ABHD6: variants seen among roughly 807,000 people sequenced by gnomAD.
ABHD6 encodes monoacylglycerol lipase ABHD6.
A neutral mutation model predicts 38.8 loss-of-function variants in ABHD6; 33 were observed. The ratio of observed to expected loss-of-function variants is 0.85; its 90% CI spans 0.64 to 1.14. The LOEUF is 1.14. Ranked by LOEUF, ABHD6 falls within the 50% of genes most tolerant of loss-of-function variation. The pLI is 0.00. For missense variants in ABHD6, 380 were observed against 422.6 expected (o/e 0.90, Z 0.88); for synonymous variants, 147 against 161.6 (o/e 0.91, Z 0.69).
At chr3:58,283,807 A>T (rs79214082) in intron 7 of ABHD6, among the ~76,000 whole-genome samples, 17,580 of 152,204 alleles carry the variant, frequency 0.12, 1,320 homozygotes, top group African/African-American at 0.2. Context: ...TGGAGGATGG[A>T]TGGACACAAG....
intron 2 of ABHD6, 99 bp downstream of exon 2, chr3:58,250,041 G>A (rs1444186067): frequency 2.0e-5 from 3 of 152,160 alleles, no homozygotes; most frequent in Non-Finnish European, 2.9e-5. Context: ...CCCTCTGCAG[G>A]CCAAAGTGTG....
rs1424532237 is a variant in ABHD6, at chr3:58,293,709, A to G, written c.958A>G (p.Ile320Val). ...AAGACCCAGGAAGACAGCCAAGCTC[A>G]TAATCGACTTTTTAGCTTCTGTGCA... is the stretch of plus-strand genomic sequence containing the variant. ...MERPRKTAKL[I>V]IDFLASVHNT... The change falls in exon 10 of 10, where the codon ATA becomes GTA. Residue 320 changes from isoleucine to valine, a missense_variant. By Grantham distance (29) the Ile-to-Val change is conservative. Transcript: ENST00000478253. This position sits in a 1 kb window ranked among gnomAD's most constrained non-coding sequence, Gnocchi z 4.4. 3 of 1,614,128 alleles carry G rather than the reference A, an allele frequency of 1.9e-6. No individual in the cohort carries two copies. The highest frequency in any genetic ancestry group is 2.2e-5 in the East Asian group (1 of 44,900).
At chr3:58,292,564 A>G (rs1259531193) in intron 9 of ABHD6, among the ~76,000 whole-genome samples, 1 of 152,098 alleles carries the variant, frequency 6.6e-6, no homozygotes, top group Non-Finnish European at 1.5e-5. Context: ...AGCATTCCCC[A>G]TATCTGCAGA....
intron 1 of ABHD6, among the ~76,000 whole-genome samples, chr3:58,246,620 A>AC (rs1433874052): frequency 3.3e-5 from 5 of 151,660 alleles, no homozygotes; most frequent in Non-Finnish European, 7.4e-5. Context: ...TTTAATGAGA[A>AC]CCCCCATGAG....
intron 6 of ABHD6, among the ~76,000 whole-genome samples, chr3:58,272,186 C>CT (rs2097445514): frequency 6.6e-6 from 1 of 152,094 alleles, no homozygotes; most frequent in Non-Finnish European, 1.5e-5. Context: ...ATCTCAATGA[C>CT]TTTTTACGTA....
intron 1 of ABHD6, among the ~76,000 whole-genome samples, chr3:58,243,670 T>C (rs1194798220): frequency 4.0e-5 from 6 of 151,066 alleles, no homozygotes; most frequent in South Asian, 2.1e-4. Context: ...GAAGTTTTCT[T>C]TTTTTTTTGA....
At chr3:58,281,839 G>A (rs532751629) in intron 7 of ABHD6, among the ~76,000 whole-genome samples, 3 of 152,272 alleles carry the variant, frequency 2.0e-5, no homozygotes, top group South Asian at 4.1e-4. Flanking sequence ...ACTCAGGCCG[G>A]GTGCGGTGGT....
chr3:58,271,766 G>GTTTTTTTTTTTTTTTTTTTTTTTTT lies in ABHD6; in HGVS notation c.523+726_523+727insTTTTTTTTTTTTTTTTTTTTTTTTT, dbSNP rs3038091. Reference sequence around the variant, plus strand: ...CTCTCCTCTATCTCCCCCTCTCTCTGTTTTTTTTTTTTTTTTTTTTTTTTG... The same window carrying GTTTTTTTTTTTTTTTTTTTTTTTTT: ...CTCTCCTCTATCTCCCCCTCTCTCTGTTTTTTTTTTTTTTTTTTTTTTTTTTTTTTTTTTTTTTTTTTTTTTTTTG... On this transcript the variant is annotated intron_variant, in intron 6 of 9. Coordinates refer to ENST00000478253, the MANE Select transcript of ABHD6 (RefSeq NM_001320126.2). Among the ~76,000 whole-genome samples, 9 of 63,632 alleles carry GTTTTTTTTTTTTTTTTTTTTTTTTT rather than the reference G, an allele frequency of 1.4e-4. 2 individuals are homozygous for GTTTTTTTTTTTTTTTTTTTTTTTTT. Among genetic ancestry groups the GTTTTTTTTTTTTTTTTTTTTTTTTT allele is most frequent in the African/African-American group, 5.0e-4 (7 of 14,014 alleles). The allele number at this position is 63,632 out of a possible 152,430, so 41.7% of individuals were successfully genotyped here. A position where few individuals can be genotyped will look rare whatever the true frequency, so the allele number is the denominator to read the frequency against.
Position 58,267,341 on chromosome 3 carries a change from T to G in ABHD6, c.272T>G (p.Val91Gly). The G allele has an allele frequency of 6.2e-7, 1 of 1,613,988 alleles. No homozygotes were observed. Among genetic ancestry groups the G allele is most frequent in the Non-Finnish European group, 8.5e-7 (1 of 1,179,974 alleles). ...CACAAGGATATGTGGCTCAGTGTGG[T>G]CAAGGTGCAATTCTCGATTCTTCTC... ...SAHKDMWLSVVKFLPKNLHLV... is the reference protein window; with the variant it reads ...SAHKDMWLSVGKFLPKNLHLV... The change falls in exon 4 of 10, where the codon GTC (valine) becomes GGC (glycine). Residue 91 changes from valine to glycine, a missense_variant. Coordinates refer to ENST00000478253, the MANE Select transcript of ABHD6 (RefSeq NM_001320126.2). This position sits in a 1 kb window ranked among gnomAD's most constrained non-coding sequence, Gnocchi z 4.3.
At position 58,287,457 on chromosome 3, in the gene ABHD6, G is replaced by A. The variant is rs1462968300; in HGVS notation, c.837+2004G>A. ...GCCAGGCTGTGCCCATGGCGTGTAC[G>A]CAGAATAAGAGGCAATGGTGTCTTA... On this transcript the variant is annotated intron_variant, in intron 9 of 9. Transcript: ENST00000478253. The surrounding 1 kb of genome is among the most constrained non-coding windows in gnomAD (Gnocchi z 4.7). Among the ~76,000 whole-genome samples, 1 of 151,844 alleles carries A rather than the reference G, an allele frequency of 6.6e-6. No individual in the cohort carries two copies. The highest frequency in any genetic ancestry group is 2.4e-5 in the African/African-American group (1 of 41,314).
chr3:58,241,778 G>A (rs2097423012), intron 1 of ABHD6, among the ~76,000 whole-genome samples: 1 of 152,210 alleles, frequency 6.6e-6, no homozygotes. Flanking sequence ...GCCTAACTCT[G>A]CCTGTGAAGT....
intron 9 of ABHD6, among the ~76,000 whole-genome samples, chr3:58,286,890 G>GTA (rs1553721778): frequency 1.7e-5 from 1 of 57,190 alleles, no homozygotes; most frequent in African/African-American, 6.6e-5. Context: ...ATATAAGTAG[G>GTA]TATCTTGGAA....
chr3:58,247,025 C>T lies in ABHD6; in HGVS notation c.-90-2853C>T, dbSNP rs1013402475. Among the ~76,000 whole-genome samples, 7 of 145,698 alleles carry T rather than the reference C, an allele frequency of 4.8e-5. No homozygotes were observed. In the East Asian group the frequency reaches 6.6e-4, roughly 14 times the overall value. ...TGAAAAACAGTTAATATTTGGTTGC[C>T]GTCTCTAATGGGCCTTTTTTTTTTT... On this transcript the variant is annotated intron_variant, in intron 1 of 9. Coordinates refer to ENST00000478253, the MANE Select transcript of ABHD6 (RefSeq NM_001320126.2).
chr3:58,294,047 G>A lies in ABHD6; in HGVS notation c.*282G>A, dbSNP rs949511591. Reference sequence around the variant, plus strand: ...GTCTTCAAGTTCATGTCACTGAGAAGCTTGTGCAAAGCAGCCACCTTGGAC... The same window carrying A: ...GTCTTCAAGTTCATGTCACTGAGAAACTTGTGCAAAGCAGCCACCTTGGAC... On this transcript the variant is annotated 3_prime_UTR_variant, in exon 10 of 10. Coordinates refer to ENST00000478253, the MANE Select transcript of ABHD6 (RefSeq NM_001320126.2). The A allele has an allele frequency of 2.0e-5, 6 of 301,340 alleles. No individual in the cohort carries two copies. The highest frequency in any genetic ancestry group is 3.0e-5 in the Non-Finnish European group (5 of 163,988). 18.7% of individuals were successfully genotyped at this position (301,340 alleles called of 1,614,324 possible). A position where few individuals can be genotyped will look rare whatever the true frequency, so the allele number is the denominator to read the frequency against.
intron 1 of ABHD6, among the ~76,000 whole-genome samples, chr3:58,246,969 A>G (rs941917880): frequency 4.6e-5 from 7 of 151,730 alleles, no homozygotes; most frequent in Non-Finnish European, 7.4e-5. Context: ...CCATCCTTCC[A>G]GCATTCACAT....
intron 7 of ABHD6, among the ~76,000 whole-genome samples, chr3:58,278,975 G>A (rs1046627680): frequency 6.6e-6 from 1 of 152,084 alleles, no homozygotes; most frequent in African/African-American, 2.4e-5. Flanking sequence ...ACAGTTTGTT[G>A]TGATTTCTGT....
chr3:58,277,389 A>G (rs1391537405), intron 7 of ABHD6, among the ~76,000 whole-genome samples: 3 of 152,082 alleles, frequency 2.0e-5, no homozygotes, highest in Admixed American at 6.5e-5. Flanking sequence ...TGTGAATGGG[A>G]GTTCACTCAT....
chr3:58,249,730 A>G (rs2097428735), intron 1 of ABHD6, 148 bp from the exon 2 acceptor site: 1 of 152,264 alleles, frequency 6.6e-6, no homozygotes, highest in Admixed American at 6.5e-5. Context: ...GGCATAGTAT[A>G]AAGCCACAAG....
At chr3:58,239,456 C>T (rs2097421337) in intron 1 of ABHD6, among the ~76,000 whole-genome samples, 1 of 152,226 alleles carries the variant, frequency 6.6e-6, no homozygotes, top group Non-Finnish European at 1.5e-5. Context: ...CACACTGACT[C>T]TACAGAAATT....
Sources: gnomAD v4.1 joint callset for allele counts (sites outside exome capture counted in the v4.1 genomes callset) on GRCh38, gnomAD v4.1.1 for gene constraint, Gnocchi (gnomAD v3.1) non-coding constraint, MANE v1.5 for transcripts, NCBI Gene and HGNC (gene_info 2026-07-23, HGNC 2026-07-21) for gene names.